Variants in MAPRE3 observed in about 807,000 individuals in gnomAD.
MAPRE3 encodes microtubule-associated protein RP/EB family member 3.
A neutral mutation model predicts 30.5 loss-of-function variants in MAPRE3; 2 were observed. The observed-to-expected ratio is 0.07, with a 90% CI of 0.03 to 0.21. MAPRE3 has a LOEUF of 0.21. Ranked by LOEUF, MAPRE3 falls within the 10% of genes least tolerant of loss-of-function variation. MAPRE3 has a pLI of 1.00. For synonymous variants in MAPRE3, 110 were observed against 127.7 expected (o/e 0.86, Z 0.93); for missense variants, 204 against 351.8 (o/e 0.58, Z 3.36).
intron 1 of MAPRE3, among the ~76,000 whole-genome samples, chr2:26,982,059 C>T (rs960645471): frequency 3.9e-5 from 6 of 152,076 alleles, no homozygotes; most frequent in African/African-American, 1.2e-4. Context: ...ATCTCCTCCA[C>T]AAGGTGCTTT....
chr2:26,980,209 C>A (rs776115868), intron 1 of MAPRE3, among the ~76,000 whole-genome samples: 19 of 151,976 alleles, frequency 1.3e-4, no homozygotes, highest in Non-Finnish European at 4.4e-5. Flanking sequence ...AACTAGAAGG[C>A]AGTCATGATG....
intron 1 of MAPRE3, among the ~76,000 whole-genome samples, chr2:26,998,220 C>T (rs1243344370): frequency 6.6e-6 from 1 of 152,218 alleles, no homozygotes; most frequent in Non-Finnish European, 1.5e-5. Context: ...AGGCAGTTCT[C>T]ATGTCATGCT....
intron 1 of MAPRE3, among the ~76,000 whole-genome samples, chr2:27,020,160 A>C (rs1395654760): frequency 6.6e-6 from 1 of 152,190 alleles, no homozygotes; most frequent in Non-Finnish European, 1.5e-5. Context: ...GGTGAGTAGG[A>C]AGCTGCCTAT....
chr2:26,978,513 GA>G (rs1457694512), intron 1 of MAPRE3, among the ~76,000 whole-genome samples: 2 of 150,848 alleles, frequency 1.3e-5, no homozygotes, highest in East Asian at 2.0e-4. Context: ...TCTGATTTTA[GA>G]TGCTTAGAGC....
At chr2:26,974,771 C>G (rs1248893380) in intron 1 of MAPRE3, among the ~76,000 whole-genome samples, 1 of 152,014 alleles carries the variant, frequency 6.6e-6, no homozygotes, top group Non-Finnish European at 1.5e-5. Flanking sequence ...TAATAACTAT[C>G]TGTTTTACAG....
At position 27,024,179 on chromosome 2, in the gene MAPRE3, A is replaced by C. The variant is rs1396262629; in HGVS notation, c.351A>C (p.Ala117=). The C allele has an allele frequency of 6.2e-7, 1 of 1,614,244 alleles. No homozygotes were observed. The highest frequency in any genetic ancestry group is 1.1e-5 in the South Asian group (1 of 91,082). Residue 117 remains alanine (A), a synonymous_variant, in exon 4 of 7, where the codon GCA becomes GCC. Transcript: ENST00000233121. ...AGTGGTTTAAGAAATTCTTTGACGC[A>C]AACTATGATGGAAAGGATTACAACC... ...FIQWFKKFFD[A]NYDGKDYNPL...
rs572870523 is a variant in MAPRE3, at chr2:27,015,223, G to A, written c.-7-6989G>A. ...TTAGATTCTCACTGTCTGTCCCCGCGATGCTGACAGCACTTGCCAAATACA... is the reference window on the plus strand; with the variant it reads ...TTAGATTCTCACTGTCTGTCCCCGCAATGCTGACAGCACTTGCCAAATACA... On this transcript the variant is annotated intron_variant, in intron 1 of 6. Coordinates refer to ENST00000233121, the MANE Select transcript of MAPRE3 (RefSeq NM_012326.4). The surrounding 1 kb of genome is among the most constrained non-coding windows in gnomAD (Gnocchi z 4.0). Among the ~76,000 whole-genome samples the A allele has an allele frequency of 9.6e-4, 147 of 152,332 alleles. No homozygotes were observed. The Middle Eastern group carries it at 0.024, about 25-fold the overall frequency.
rs946699471 is a variant in MAPRE3, at chr2:26,970,717, C to A, written c.-93C>A. On this transcript the variant is annotated 5_prime_UTR_variant, in exon 1 of 7. Transcript: ENST00000233121. ...CAGCGAGGACCCTCCGCCCCGGAGC[C>A]GCCGGCCGGAGCCGCAGCCTCTGCC... 6.5e-6 allele frequency: 1 copy of A among 152,912 alleles called. No homozygotes were observed. The highest frequency in any genetic ancestry group is 2.4e-5 in the African/African-American group (1 of 41,586). 9.5% of individuals were successfully genotyped at this position (152,912 alleles called of 1,614,324 possible).
intron 1 of MAPRE3, among the ~76,000 whole-genome samples, chr2:26,993,144 A>G (rs1666383971): frequency 6.6e-6 from 1 of 152,098 alleles, no homozygotes; most frequent in South Asian, 2.1e-4. Flanking sequence ...CAAGGTGGGC[A>G]GGTCACCTGA....
chr2:27,022,165 C>G, intron 1 of MAPRE3, 47 bp from the exon 2 acceptor site: 1 of 1,600,218 alleles, frequency 6.2e-7, no homozygotes, highest in Non-Finnish European at 8.5e-7. Flanking sequence ...AGCTAAGGAG[C>G]TACATGAGGC....
At chr2:27,010,300 C>G (rs1398771355) in intron 1 of MAPRE3, among the ~76,000 whole-genome samples, 1 of 152,080 alleles carries the variant, frequency 6.6e-6, no homozygotes, top group Non-Finnish European at 1.5e-5. Context: ...TTGTGAGTAG[C>G]TGGAGAAAGA....
intron 1 of MAPRE3, chr2:26,996,978 A>G: frequency 6.6e-6 from 1 of 152,184 alleles, no homozygotes. Context: ...GTTGTGAAGT[A>G]AGCATTTAAA....
chr2:26,989,897 A>G (rs952314381), intron 1 of MAPRE3, among the ~76,000 whole-genome samples: 1 of 152,160 alleles, frequency 6.6e-6, no homozygotes, highest in African/African-American at 2.4e-5. Context: ...AGAAATTTCC[A>G]GCTGTGTGTG....
chr2:26,995,060 C>T (rs1406497937), intron 1 of MAPRE3, among the ~76,000 whole-genome samples: 2 of 152,092 alleles, frequency 1.3e-5, no homozygotes, highest in Admixed American at 6.5e-5. Flanking sequence ...AGATGGCAGA[C>T]ATTTTTTGTA....
rs1460846151 is a variant in MAPRE3, at chr2:27,015,602, TG to T, written c.-7-6606del. On this transcript the variant is annotated intron_variant, in intron 1 of 6. Coordinates refer to ENST00000233121, the MANE Select transcript of MAPRE3 (RefSeq NM_012326.4). This position sits in a 1 kb window ranked among gnomAD's most constrained non-coding sequence, Gnocchi z 4.0. ...GGACCAGCCAGAACAGGGCTAAACTTGGGGTAAAAAGAGCTCTAGAGAATTA... is the reference window on the plus strand; with the variant it reads ...GGACCAGCCAGAACAGGGCTAAACTTGGGTAAAAAGAGCTCTAGAGAATTA... Among the ~76,000 whole-genome samples the T allele has an allele frequency of 6.6e-6, 1 of 152,084 alleles. No individual in the cohort carries two copies. The highest frequency in any genetic ancestry group is 1.5e-5 in the Non-Finnish European group (1 of 68,012).
intron 1 of MAPRE3, chr2:27,009,878 T>G (rs1666810515): frequency 6.6e-6 from 1 of 152,284 alleles, no homozygotes; most frequent in African/African-American, 2.4e-5. Flanking sequence ...CTCCTGTATC[T>G]GGAGTTGGAG....
intron 1 of MAPRE3, among the ~76,000 whole-genome samples, chr2:27,019,132 A>G (rs945095339): frequency 6.6e-6 from 1 of 151,880 alleles, no homozygotes; most frequent in Non-Finnish European, 1.5e-5. Context: ...GGCTTAGGTG[A>G]TCGGCACCCC....
chr2:27,023,322 T>G lies in MAPRE3; in HGVS notation c.122-10T>G. 1 of 1,593,470 alleles carries G rather than the reference T, an allele frequency of 6.3e-7. No individual in the cohort carries two copies. Among genetic ancestry groups the G allele is most frequent in the Non-Finnish European group, 8.6e-7 (1 of 1,163,470 alleles). On this transcript the variant is annotated splice_polypyrimidine_tract_variant and intron_variant, in intron 2 of 6. Coordinates refer to ENST00000233121, the MANE Select transcript of MAPRE3 (RefSeq NM_012326.4). ...AGCAAGACCCCTCAGCCAGCCATCC[T>G]TCTCCACAGGGGCAGCCTACTGCCA...
Position 27,026,500 on chromosome 2 carries a change from TGGGGCC to T in MAPRE3, c.*155_*160del, listed in dbSNP as rs1667248633. The T allele has an allele frequency of 1.6e-6, 1 of 642,680 alleles. No individual in the cohort carries two copies. Among genetic ancestry groups the T allele is most frequent in the South Asian group, 2.2e-5 (1 of 46,470 alleles). The allele number at this position is 642,680 out of a possible 1,614,324, so 39.8% of individuals were successfully genotyped here. ...GCCAGGCGAGGGGGGCTTGGGGGCA[TGGGGCC>T]GGAAAGCAGGCAGAAGCCCGTCCTG... On this transcript the variant is annotated 3_prime_UTR_variant, in exon 7 of 7. Transcript: ENST00000233121.
Sources: allele counts gnomAD v4.1 joint callset (sites outside exome capture counted in the v4.1 genomes callset), GRCh38; gene constraint gnomAD v4.1.1; non-coding constraint Gnocchi (gnomAD v3.1); transcripts MANE v1.5; gene names NCBI Gene and HGNC (gene_info 2026-07-23, HGNC 2026-07-21).